STK32B: variants seen among roughly 807,000 people sequenced by gnomAD.
The protein encoded by STK32B is serine/threonine-protein kinase 32B.
In STK32B, 43 loss-of-function variants were observed where a neutral mutation model predicts 52.6. The ratio of observed to expected loss-of-function variants is 0.82; its 90% CI spans 0.64 to 1.05. STK32B has a LOEUF of 1.05. STK32B is among the 50% of genes least tolerant of loss of function. STK32B has a pLI of 0.00. For synonymous variants in STK32B, 238 were observed against 204.3 expected (o/e 1.17, Z -1.41); for missense variants, 621 against 534.6 (o/e 1.16, Z -1.59).
intron 3 of STK32B, among the ~76,000 whole-genome samples, chr4:5,315,258 T>G (rs1478206065): frequency 8.1e-6 from 1 of 124,106 alleles, no homozygotes; most frequent in Non-Finnish European, 1.6e-5. Context: ...AATTAGCCAT[T>G]AGGGAAATGC....
At chr4:5,038,039 G>T in the STK32B span, among the ~76,000 whole-genome samples, 1 of 152,076 alleles carries the variant, frequency 6.6e-6, no homozygotes, top group Non-Finnish European at 1.5e-5. Flanking sequence ...GAAAATGCCA[G>T]CCAACACTGT....
chr4:5,384,115 G>A (rs575101047), intron 4 of STK32B, among the ~76,000 whole-genome samples: 2 of 152,328 alleles, frequency 1.3e-5, no homozygotes, highest in East Asian at 3.9e-4. Context: ...CAGCAGACCA[G>A]TGCAGCCAGA....
chr4:5,055,942 C>A (rs1175499754), intron 1 of STK32B, among the ~76,000 whole-genome samples: 4 of 151,814 alleles, frequency 2.6e-5, no homozygotes, highest in Non-Finnish European at 2.9e-5. Context: ...GTCTGTCTTT[C>A]TCCACTCAGT....
At chr4:5,335,432 C>G (rs1454426825) in intron 4 of STK32B, among the ~76,000 whole-genome samples, 2 of 152,056 alleles carry the variant, frequency 1.3e-5, no homozygotes, top group Admixed American at 1.3e-4. Flanking sequence ...AAAACCAGCT[C>G]CTGGATTCAT....
At chr4:5,317,365 A>T (rs1731126250) in intron 3 of STK32B, among the ~76,000 whole-genome samples, 1 of 81,818 alleles carries the variant, frequency 1.2e-5, no homozygotes, top group Non-Finnish European at 1.9e-5. Flanking sequence ...TATATAATGT[A>T]TATGTATTAT....
At chr4:5,381,608 T>G (rs11945877) in intron 4 of STK32B, among the ~76,000 whole-genome samples, 4,180 of 152,346 alleles carry the variant, frequency 0.027, 200 homozygotes, top group African/African-American at 0.094. Flanking sequence ...TATGGGACTC[T>G]GTTTACTTCT....
intron 6 of STK32B, among the ~76,000 whole-genome samples, chr4:5,435,038 C>T (rs1025734657): frequency 6.6e-6 from 1 of 152,116 alleles, no homozygotes; most frequent in Non-Finnish European, 1.5e-5. Context: ...CATCCATGGC[C>T]TATGGTGCTT....
At chr4:5,061,953 C>A (rs1045997823) in intron 1 of STK32B, among the ~76,000 whole-genome samples, 1 of 152,168 alleles carries the variant, frequency 6.6e-6, no homozygotes, top group East Asian at 1.9e-4. Flanking sequence ...TCCCAAAGTT[C>A]TTTCTTCCCT....
chr4:5,462,769 A>G (rs1266444207), intron 9 of STK32B, among the ~76,000 whole-genome samples: 1 of 152,204 alleles, frequency 6.6e-6, no homozygotes, highest in East Asian at 1.9e-4. Context: ...GACTGTACTC[A>G]TGAGATGCCA....
At chr4:5,107,539 A>C (rs941961057) in intron 1 of STK32B, among the ~76,000 whole-genome samples, 1 of 152,156 alleles carries the variant, frequency 6.6e-6, no homozygotes, top group East Asian at 1.9e-4. Flanking sequence ...TCCCTCATCA[A>C]CTTTCCACCT....
chr4:5,318,635 C>A (rs1731276801), intron 3 of STK32B, among the ~76,000 whole-genome samples: 1 of 151,982 alleles, frequency 6.6e-6, no homozygotes, highest in African/African-American at 2.4e-5. Flanking sequence ...AGGGTAGGTA[C>A]TTTCAGACAA....
chr4:5,184,695 AAAGAAG>A (rs746946013), intron 3 of STK32B, among the ~76,000 whole-genome samples: 28 of 137,598 alleles, frequency 2.0e-4, no homozygotes, highest in African/African-American at 7.5e-4. Flanking sequence ...AAAAAAAAAA[AAAGAAG>A]AAGAAGAAGA....
At chr4:5,233,271 C>T (rs1371447630) in intron 3 of STK32B, among the ~76,000 whole-genome samples, 2 of 152,114 alleles carry the variant, frequency 1.3e-5, no homozygotes, top group Non-Finnish European at 2.9e-5. Context: ...ATGTGGTATT[C>T]TCCAGTAGGG....
Position 5,316,281 on chromosome 4 carries a change from T to A in STK32B, c.261-14939T>A, listed in dbSNP as rs1472746037. On this transcript the variant is annotated intron_variant, in intron 3 of 11. Coordinates refer to ENST00000282908, the MANE Select transcript of STK32B (RefSeq NM_018401.3). The stretch of plus-strand genomic sequence containing the variant: ...TATATTATATAGTATATATAATATA[T>A]TATATACAATATTATATATAATATA... Among the ~76,000 whole-genome samples, 11 of 70,066 alleles carry A rather than the reference T, an allele frequency of 1.6e-4. 1 individual carries two copies. The highest frequency in any genetic ancestry group is 9.8e-4 in the African/African-American group (11 of 11,282). 46.0% of individuals were successfully genotyped at this position (70,066 alleles called of 152,430 possible).
At chr4:5,436,354 C>T (rs1433911941) in intron 6 of STK32B, among the ~76,000 whole-genome samples, 1 of 152,066 alleles carries the variant, frequency 6.6e-6, no homozygotes, top group Non-Finnish European at 1.5e-5. Flanking sequence ...ATTGGCTGCT[C>T]AGAATCCCAG....
At chr4:5,295,246 G>A (rs189598442) in intron 3 of STK32B, among the ~76,000 whole-genome samples, 1 of 151,612 alleles carries the variant, frequency 6.6e-6, no homozygotes, top group African/African-American at 2.4e-5. Flanking sequence ...TTATTTTTTT[G>A]TTGTGTCTCT....
intron 1 of STK32B, among the ~76,000 whole-genome samples, chr4:5,068,624 TA>T (rs1314293643): frequency 6.6e-6 from 1 of 152,182 alleles, no homozygotes; most frequent in African/African-American, 2.4e-5. Flanking sequence ...TAAGACTCAA[TA>T]ATTTGCATCC....
chr4:5,398,471 T>G lies in STK32B; in HGVS notation c.472+227T>G, dbSNP rs909517867. On this transcript the variant is annotated intron_variant, in intron 5 of 11. Coordinates refer to ENST00000282908, the MANE Select transcript of STK32B (RefSeq NM_018401.3). The surrounding 1 kb of genome is among the most constrained non-coding windows in gnomAD (Gnocchi z 4.9). ...TTAAACTGTTCGCATCTGAAGTCAT[T>G]GCTGTTCATATCCCCGTGTGAGGAG... Among the ~76,000 whole-genome samples, 3 of 152,176 alleles carry G rather than the reference T, an allele frequency of 2.0e-5. No homozygotes were observed. Among genetic ancestry groups the G allele is most frequent in the Non-Finnish European group, 4.4e-5 (3 of 68,036 alleles).
chr4:5,145,330 G>T (rs1577104074), intron 2 of STK32B, among the ~76,000 whole-genome samples: 1 of 152,220 alleles, frequency 6.6e-6, no homozygotes, highest in East Asian at 1.9e-4. Flanking sequence ...AAATATTTCA[G>T]CCTAGAGATT....
Sources: gnomAD v4.1 joint callset for allele counts (sites outside exome capture counted in the v4.1 genomes callset) on GRCh38, gnomAD v4.1.1 for gene constraint, Gnocchi (gnomAD v3.1) non-coding constraint, MANE v1.5 for transcripts, NCBI Gene and HGNC (gene_info 2026-07-23, HGNC 2026-07-21) for gene names.